Variants in SELENON observed in about 807,000 individuals in gnomAD.
The protein encoded by SELENON is selenoprotein N, also known as selenoprotein N, 1.
In SELENON, 44 loss-of-function variants were observed where a neutral mutation model predicts 59.5. The ratio of observed to expected loss-of-function variants is 0.74; its 90% confidence interval spans 0.58 to 0.95. The LOEUF is 0.95. SELENON is among the 40% of genes least tolerant of loss of function. The probability of loss-of-function intolerance (pLI) is 0.00; values close to 1 mark genes in which losing one functional copy is unlikely to be tolerated. For synonymous variants in SELENON, 320 were observed against 305.6 expected (o/e 1.05, Z -0.49); for missense variants, 674 against 721.4 (o/e 0.93, Z 0.75).
chr1:25,814,104 A>G lies in SELENON; in HGVS notation c.1528A>G (p.Lys510Glu). Residue 510 changes from lysine (K) to glutamate (E), a missense_variant, in exon 12 of 13, where the codon AAG (lysine) becomes GAG (glutamate). Coordinates refer to ENST00000361547, the MANE Select transcript of SELENON (RefSeq NM_020451.3). ...CAACCAGGAGAACTCGTCCCACCAG[A>G]AGCTGGCTGGCCTGCACCTGGAGAA... The G allele has an allele frequency of 6.2e-7, 1 of 1,614,162 alleles. No individual in the cohort carries two copies.
At chr1:25,803,040 T>A (rs941907313) in intron 3 of SELENON, among the ~76,000 whole-genome samples, 1 of 152,150 alleles carries the variant, frequency 6.6e-6, no homozygotes, top group Admixed American at 6.5e-5. Flanking sequence ...GGAGGAAGGT[T>A]GGATGAAAAA....
chr1:25,800,774 C>T (rs1232215160), intron 1 of SELENON, among the ~76,000 whole-genome samples: 1 of 151,762 alleles, frequency 6.6e-6, no homozygotes, highest in Non-Finnish European at 1.5e-5. Flanking sequence ...GCAGGAGGAA[C>T]AGGGCCAAGC....
intron 1 of SELENON, 60 bp from the exon 2 acceptor site, chr1:25,800,983 T>C (rs1366778843): frequency 1.5e-5 from 21 of 1,372,736 alleles, no homozygotes; most frequent in African/African-American, 2.9e-5. Context: ...CAACTGCCTG[T>C]TGGGGACCAG....
intron 12 of SELENON, among the ~76,000 whole-genome samples, chr1:25,814,589 C>A (rs975643104): frequency 6.6e-6 from 1 of 152,192 alleles, no homozygotes; most frequent in Non-Finnish European, 1.5e-5. Flanking sequence ...GGGCCCCTTA[C>A]CTAGCACTCA....
At position 25,800,350 on chromosome 1, in the gene SELENON, C is replaced by CGCCGCT. The variant is rs1053630222; in HGVS notation, c.126_131dup (p.Ala44_Ala45dup). On this transcript the variant is annotated inframe_insertion, in exon 1 of 13. Transcript: ENST00000361547. ...CGCTGCTCGGAGCCCTGCTGGCCGCCGCCGCTGCCGCCGCCGTCCGGGTCT... is the reference window on the plus strand; with the variant it reads ...CGCTGCTCGGAGCCCTGCTGGCCGCCGCCGCTGCCGCTGCCGCCGCCGTCCGGGTCT... 9 of 1,037,592 alleles carry CGCCGCT rather than the reference C, an allele frequency of 8.7e-6. No individual in the cohort carries two copies. The highest frequency in any genetic ancestry group is 3.5e-5 in the African/African-American group (2 of 57,904). 64.3% of individuals were successfully genotyped at this position (1,037,592 alleles called of 1,614,324 possible).
In SELENON at chr1:25,808,617, C is replaced by G; in HGVS notation, c.575C>G (p.Thr192Arg). 6.2e-7 allele frequency: 1 copy of G among 1,613,848 alleles called. No homozygotes were observed. The highest frequency in any genetic ancestry group is 1.3e-5 in the African/African-American group (1 of 75,002). The change falls in exon 5 of 13, where the codon ACA becomes AGA. Residue 192 changes from threonine to arginine, a missense_variant. Coordinates refer to ENST00000361547, the MANE Select transcript of SELENON (RefSeq NM_020451.3). ...GCCCTGTCCGGCCTCCGAAACTGGA[C>G]AGCCGCCGCCTCACCAAGTGCAGTG...
chr1:25,812,786 T>C lies in SELENON; in HGVS notation c.1381T>C (p.Cys461Arg). 1.2e-6 allele frequency: 2 copies of C among 1,612,066 alleles called. No homozygotes were observed. Among genetic ancestry groups the C allele is most frequent in the Non-Finnish European group, 1.7e-6 (2 of 1,178,858 alleles). ...GTGGGGGGCCCTGGATGACCAGTCC[T>C]GCTGAGGTGAGGGGCCCGGCTGGAT... The change falls in exon 10 of 13, where the codon TGC (cysteine) becomes CGC (arginine). Residue 461 changes from cysteine (C) to arginine (R), a missense_variant. Physicochemically the swap from Cys to Arg is radical, Grantham distance 180 (BLOSUM62 -3). Transcript: ENST00000361547.
chr1:25,805,570 G>A (rs1475277072), intron 4 of SELENON, among the ~76,000 whole-genome samples: 1 of 152,078 alleles, frequency 6.6e-6, no homozygotes, highest in Non-Finnish European at 1.5e-5. Context: ...GCACAGGTTG[G>A]GGGGGTCTCG....
At chr1:25,800,459 G>A in intron 1 of SELENON, 46 bp downstream of exon 1, 2 of 1,034,258 alleles carry the variant, frequency 1.9e-6, no homozygotes, top group Non-Finnish European at 2.4e-6. Flanking sequence ...AGCGGGGACT[G>A]AAGGACCCAG....
chr1:25,804,876 A>T (rs1192323890), intron 3 of SELENON, among the ~76,000 whole-genome samples: 1 of 152,056 alleles, frequency 6.6e-6, no homozygotes, highest in East Asian at 1.9e-4. Context: ...TTCCCCCACC[A>T]TCTAGCTATG....
chr1:25,812,747 C>T lies in SELENON; in HGVS notation c.1342C>T (p.His448Tyr). The T allele has an allele frequency of 1.2e-6, 2 of 1,613,682 alleles. No homozygotes were observed. Among genetic ancestry groups the T allele is most frequent in the Non-Finnish European group, 1.7e-6 (2 of 1,179,920 alleles). ...AGCCAAGGCTGAGAACAAGCTGGTG[C>T]ACTCAATCCTGCTGTGGGGGGCCCT... Residue 448 changes from histidine to tyrosine, a missense_variant, in exon 10 of 13, where the codon CAC (histidine) becomes TAC (tyrosine). Transcript: ENST00000361547.
intron 10 of SELENON, among the ~76,000 whole-genome samples, 167 bp downstream of exon 9, chr1:25,812,959 A>T (rs2047979493): frequency 6.6e-6 from 1 of 152,104 alleles, no homozygotes; most frequent in Non-Finnish European, 1.5e-5. Context: ...TGCTGAGCCC[A>T]GAGGGAGCTA....
chr1:25,813,978 GCTGGAGGA>G lies in SELENON; in HGVS notation c.1486_1493del (p.Leu496ThrfsTer?). ...TCAGCACCTGGTCCCTGGTGAAGGAGCTGGAGGAACTGCAGGTGAGCGGGCAGGTGGCA... is the reference window on the plus strand; with the variant it reads ...TCAGCACCTGGTCCCTGGTGAAGGAGACTGCAGGTGAGCGGGCAGGTGGCA... On this transcript the variant is annotated frameshift_variant, in exon 11 of 13. Transcript: ENST00000361547. LOFTEE classifies it high-confidence loss of function. 1 of 1,614,130 alleles carries G rather than the reference GCTGGAGGA, an allele frequency of 6.2e-7. No homozygotes were observed. The highest frequency in any genetic ancestry group is 8.5e-7 in the Non-Finnish European group (1 of 1,179,980).
At chr1:25,812,441 A>G (rs1471371572) in intron 9 of SELENON, among the ~76,000 whole-genome samples, 3 of 143,704 alleles carry the variant, frequency 2.1e-5, no homozygotes, top group African/African-American at 7.7e-5. Context: ...ACACATACAA[A>G]CACACACACT....
intron 6 of SELENON, 110 bp from the exon 6 acceptor site, chr1:25,809,573 A>C (rs1161044670): frequency 2.3e-5 from 35 of 1,506,988 alleles, no homozygotes; most frequent in Non-Finnish European, 3.0e-5. Flanking sequence ...TGGCCCATCC[A>C]CCTCCACCCC....
chr1:25,813,227 C>T (rs1247167947), intron 10 of SELENON, among the ~76,000 whole-genome samples: 1 of 152,162 alleles, frequency 6.6e-6, no homozygotes, highest in East Asian at 1.9e-4. Flanking sequence ...TCACCAGAGG[C>T]CCCCTAGATG....
chr1:25,801,993 CTT>C (rs746918551), intron 2 of SELENON: 3,586 of 222,396 alleles, frequency 0.016, no homozygotes, highest in South Asian at 0.037. Flanking sequence ...GCAGCTATAA[CTT>C]TTTTTTTTTT....
chr1:25,815,834 A>AGTG lies in SELENON; in HGVS notation c.*117_*118insTGG. 8.8e-7 allele frequency: 1 copy of AGTG among 1,136,368 alleles called. No homozygotes were observed. The highest frequency in any genetic ancestry group is 1.3e-6 in the Non-Finnish European group (1 of 782,880). The allele number at this position is 1,136,368 out of a possible 1,614,324, so 70.4% of individuals were successfully genotyped here. A position where few individuals can be genotyped will look rare whatever the true frequency, so the allele number is the denominator to read the frequency against. ...CCACCCCACTCCTAGGCTGCCTTGG[A>AGTG]GGGTACAAGATCCACTGAGGGTGGC... On this transcript the variant is annotated 3_prime_UTR_variant, in exon 13 of 13. Coordinates refer to ENST00000361547, the MANE Select transcript of SELENON (RefSeq NM_020451.3).
chr1:25,816,970 T>A lies in SELENON; in HGVS notation c.*1252T>A, dbSNP rs2048016528. 1 of 152,176 alleles carries A rather than the reference T, an allele frequency of 6.6e-6. No homozygotes were observed. 9.4% of individuals were successfully genotyped at this position (152,176 alleles called of 1,614,324 possible). A position where few individuals can be genotyped will look rare whatever the true frequency, so the allele number is the denominator to read the frequency against. ...ATCCATGATCCCCAGCACTGTCCCATCCTCCACAAAGGCCCACAGGCATGC... is the reference window on the plus strand; with the variant it reads ...ATCCATGATCCCCAGCACTGTCCCAACCTCCACAAAGGCCCACAGGCATGC... On this transcript the variant is annotated 3_prime_UTR_variant, in exon 13 of 13. Transcript: ENST00000361547.
Sources: allele counts gnomAD v4.1 joint callset (sites outside exome capture counted in the v4.1 genomes callset), GRCh38; gene constraint gnomAD v4.1.1; transcripts MANE v1.5; gene names NCBI Gene and HGNC (gene_info 2026-07-23, HGNC 2026-07-21).